The following ZNF555 variants were observed in gnomAD, a reference collection of about 807,000 sequenced individuals.
ZNF555 encodes the protein zinc finger protein 555.
ZNF555 carries 10 observed loss-of-function variants against 14.0 expected under a neutral mutation model. That is an observed-to-expected ratio of 0.72 (90% CI 0.44 to 1.21). The LOEUF (loss-of-function observed/expected upper bound fraction) is 1.21. ZNF555 is among the 50% of genes most tolerant of loss of function. The pLI, the probability that ZNF555 is intolerant of heterozygous loss-of-function variation, is 0.00. For synonymous variants in ZNF555, 277 were observed against 262.4 expected, an observed-to-expected ratio of 1.06 and a Z score of -0.54; for missense variants, 747 against 762.0, an observed-to-expected ratio of 0.98 and a Z score of 0.23.
rs1466585372 is a variant in ZNF555, at chr19:2,853,436, T to C, written c.1371T>C (p.Cys457=). The C allele has an allele frequency of 6.2e-7, 1 of 1,614,186 alleles. No individual in the cohort carries two copies. The highest frequency in any genetic ancestry group is 1.7e-5 in the Admixed American group (1 of 60,018). Residue 457 remains cysteine, a synonymous_variant, in exon 4 of 4, where the codon TGT becomes TGC. Coordinates refer to ENST00000334241, the MANE Select transcript of ZNF555 (RefSeq NM_152791.5). ...TREKPYECKQ[C]GKAFSLSACF... The stretch of plus-strand genomic sequence containing the variant: ...AGAAACCCTATGAATGTAAGCAGTG[T>C]GGGAAAGCCTTCAGCTTGTCTGCTT...
intron 1 of ZNF555, among the ~76,000 whole-genome samples, chr19:2,843,251 C>T (rs1421173789): frequency 6.6e-6 from 1 of 152,156 alleles, no homozygotes; most frequent in African/African-American, 2.4e-5. Flanking sequence ...GCAGCCTCCA[C>T]CTCCTGGGCT....
At position 2,853,730 on chromosome 19, in the gene ZNF555, G is replaced by A; in HGVS notation, c.1665G>A (p.Met555Ile). Residue 555 changes from methionine to isoleucine, a missense_variant, in exon 4 of 4, where the codon ATG (methionine) becomes ATA (isoleucine). By Grantham distance (10) the Met-to-Ile change is conservative (BLOSUM62 1). Coordinates refer to ENST00000334241, the MANE Select transcript of ZNF555 (RefSeq NM_152791.5). The part of the protein sequence containing the change: ...FKWPSSLPIH[M>I]RLHTGEKPYQ... ...GGCCATCATCTTTACCAATACATAT[G>A]AGACTGCACACTGGAGAGAAACCTT... 3 of 1,590,044 alleles carry A rather than the reference G, an allele frequency of 1.9e-6. No homozygotes were observed. Among genetic ancestry groups the A allele is most frequent in the Non-Finnish European group, 2.6e-6 (3 of 1,168,824 alleles).
chr19:2,845,903 G>C (rs2087578549), intron 1 of ZNF555, among the ~76,000 whole-genome samples: 2 of 152,222 alleles, frequency 1.3e-5, no homozygotes, highest in African/African-American at 4.8e-5. Flanking sequence ...ACAAGGCAGT[G>C]CCCTGAGTGC....
At chr19:2,849,139 G>T (rs1026187410) in intron 1 of ZNF555, among the ~76,000 whole-genome samples, 9 of 152,112 alleles carry the variant, frequency 5.9e-5, no homozygotes, top group African/African-American at 2.2e-4. Context: ...GACTGTTCTA[G>T]CATCAGAATT....
chr19:2,845,916 G>A (rs563114656), intron 1 of ZNF555, among the ~76,000 whole-genome samples: 1 of 152,312 alleles, frequency 6.6e-6, no homozygotes, highest in African/African-American at 2.4e-5. Flanking sequence ...CTGAGTGCCA[G>A]GGTAAGTACA....
At position 2,854,921 on chromosome 19, in the gene ZNF555, G is replaced by A. The variant is rs555989661; in HGVS notation, c.*969G>A. The A allele has an allele frequency of 5.9e-5, 9 of 152,188 alleles. No homozygotes were observed. The highest frequency in any genetic ancestry group is 9.6e-5 in the African/African-American group (4 of 41,514). The allele number at this position is 152,188 out of a possible 1,614,324, so 9.4% of individuals were successfully genotyped here. A position where few individuals can be genotyped will look rare whatever the true frequency, so the allele number is the denominator to read the frequency against. The stretch of plus-strand genomic sequence containing the variant: ...CAGTCTCTGAGCTTCTGATTCTCCC[G>A]TTCTGTAGATCTTAACATATTTGCA... On this transcript the variant is annotated 3_prime_UTR_variant, in exon 4 of 4. Transcript: ENST00000334241.
Position 2,851,454 on chromosome 19 carries a change from CT to C in ZNF555, c.131-9del, listed in dbSNP as rs767784970. On this transcript the variant is annotated splice_polypyrimidine_tract_variant and intron_variant, in intron 2 of 3. Coordinates refer to ENST00000334241, the MANE Select transcript of ZNF555 (RefSeq NM_152791.5). ...AGTGCCTTCTTATATGATTTGTTTA[CT>C]TTTTGGTTTCAGATGATGAAACTCA... The C allele has an allele frequency of 1.9e-6, 3 of 1,559,840 alleles. No homozygotes were observed. The highest frequency in any genetic ancestry group is 2.3e-5 in the East Asian group (1 of 43,736).
Position 2,854,436 on chromosome 19 carries a change from C to T in ZNF555, c.*484C>T, listed in dbSNP as rs1023722879. 3 of 162,212 alleles carry T rather than the reference C, an allele frequency of 1.8e-5. No homozygotes were observed. Among genetic ancestry groups the T allele is most frequent in the African/African-American group, 7.2e-5 (3 of 41,464 alleles). The allele number at this position is 162,212 out of a possible 1,614,324, so 10.0% of individuals were successfully genotyped here. On this transcript the variant is annotated 3_prime_UTR_variant, in exon 4 of 4. Transcript: ENST00000334241. The stretch of plus-strand genomic sequence containing the variant: ...TTGTGAATTGGACAGTAGGCTTTGA[C>T]TTGTGATGTGACGGAGAAATCCAGA...
intron 1 of ZNF555, among the ~76,000 whole-genome samples, chr19:2,844,526 A>C (rs1199877849): frequency 2.6e-5 from 4 of 152,246 alleles, no homozygotes; most frequent in African/African-American, 9.6e-5. Flanking sequence ...GGTGTGAACC[A>C]CCATGCCCCC....
intron 1 of ZNF555, among the ~76,000 whole-genome samples, chr19:2,845,319 A>G (rs776950142): frequency 3.9e-5 from 6 of 152,188 alleles, no homozygotes; most frequent in Non-Finnish European, 8.8e-5. Context: ...ATGGCTGTGT[A>G]GTATTCCATG....
rs1215357336 is a variant in ZNF555 at position 2,860,024 on chromosome 19, A to C, written c.*6072A>C. The C allele has an allele frequency of 2.0e-5, 3 of 151,352 alleles. No individual in the cohort carries two copies. The highest frequency in any genetic ancestry group is 4.8e-5 in the African/African-American group (2 of 41,244). 9.4% of individuals were successfully genotyped at this position (151,352 alleles called of 1,614,324 possible). A position where few individuals can be genotyped will look rare whatever the true frequency, so the allele number is the denominator to read the frequency against. Reference sequence around the variant, plus strand: ...GCCCAAAACAAAGCAAACAAACAAAAAAAAGGAATGCAAGTCAAGTACACT... The same window carrying C: ...GCCCAAAACAAAGCAAACAAACAAACAAAAGGAATGCAAGTCAAGTACACT... On this transcript the variant is annotated 3_prime_UTR_variant, in exon 4 of 4. Coordinates refer to ENST00000334241, the MANE Select transcript of ZNF555 (RefSeq NM_152791.5).
rs1260167463 is a variant in ZNF555, at chr19:2,859,210, A to G, written c.*5258A>G. 2 of 152,276 alleles carry G rather than the reference A, an allele frequency of 1.3e-5. No individual in the cohort carries two copies. The allele number at this position is 152,276 out of a possible 1,614,324, so 9.4% of individuals were successfully genotyped here. ...ATCTGGGAGTTTCCGCCTTCCATGA[A>G]GTGCGCAGGCGCACTTAGGCGAGGC... On this transcript the variant is annotated 3_prime_UTR_variant, in exon 4 of 4. Coordinates refer to ENST00000334241, the MANE Select transcript of ZNF555 (RefSeq NM_152791.5).
rs751454163 is a variant in ZNF555 at position 2,852,715 on chromosome 19, G to A, written c.650G>A (p.Arg217Gln). 10 of 1,614,078 alleles carry A rather than the reference G, an allele frequency of 6.2e-6. No homozygotes were observed. Among genetic ancestry groups the A allele is most frequent in the South Asian group, 3.3e-5 (3 of 91,076 alleles). The change falls in exon 4 of 4, where the codon CGG becomes CAG. Residue 217 changes from arginine (R) to glutamine (Q), a missense_variant. Physicochemically the swap from Arg to Gln is conservative, Grantham distance 43. Coordinates refer to ENST00000334241, the MANE Select transcript of ZNF555 (RefSeq NM_152791.5). Reference sequence around the variant, plus strand: ...TTTCCTCGTACTTCCTCCCTCAATCGGCATGTAAGGATTCACACTGCTGAG... The same window carrying A: ...TTTCCTCGTACTTCCTCCCTCAATCAGCATGTAAGGATTCACACTGCTGAG... ...KTFPRTSSLN[R>Q]HVRIHTAEKT... is the part of the protein sequence containing the mutation.
chr19:2,846,423 C>G (rs753449533), intron 1 of ZNF555, among the ~76,000 whole-genome samples: 6 of 152,230 alleles, frequency 3.9e-5, no homozygotes, highest in Non-Finnish European at 5.9e-5. Context: ...CTGTGGGCAA[C>G]TGAGTGAGCC....
rs1362494167 is a variant in ZNF555, at chr19:2,841,495, G to C, written c.-78G>C. ...CCTCTGTCCTAGCCGTGAGTGCCCCGCCTGCCCCTAGCGGTCCCTGGCGTC... is the reference window on the plus strand; with the variant it reads ...CCTCTGTCCTAGCCGTGAGTGCCCCCCCTGCCCCTAGCGGTCCCTGGCGTC... On this transcript the variant is annotated 5_prime_UTR_variant, in exon 1 of 4. Coordinates refer to ENST00000334241, the MANE Select transcript of ZNF555 (RefSeq NM_152791.5). 2 of 1,542,588 alleles carry C rather than the reference G, an allele frequency of 1.3e-6. No individual in the cohort carries two copies. Among genetic ancestry groups the C allele is most frequent in the Non-Finnish European group, 1.8e-6 (2 of 1,142,764 alleles).
At chr19:2,844,421 C>A (rs1419016904) in intron 1 of ZNF555, among the ~76,000 whole-genome samples, 1 of 151,480 alleles carries the variant, frequency 6.6e-6, no homozygotes, top group African/African-American at 2.4e-5. Flanking sequence ...GTATTTCTAG[C>A]AGATACAGGG....
At position 2,852,481 on chromosome 19, in the gene ZNF555, G is replaced by A. The variant is rs1241805483; in HGVS notation, c.416G>A (p.Gly139Glu). 1.1e-5 allele frequency: 17 copies of A among 1,613,984 alleles called. No individual in the cohort carries two copies. Among genetic ancestry groups the A allele is most frequent in the Non-Finnish European group, 1.4e-5 (17 of 1,180,036 alleles). Reference protein sequence around the residue: ...HLNLYKKIPPGVKQYEYNTYG... With the variant: ...HLNLYKKIPPEVKQYEYNTYG... ...AATCTGTACAAGAAAATTCCACCTG[G>A]AGTAAAACAGTATGAATACAACACG... The change falls in exon 4 of 4, where the codon GGA (glycine) becomes GAA (glutamate). Residue 139 changes from glycine (G) to glutamate (E), a missense_variant. By Grantham distance (98) the Gly-to-Glu change is moderately conservative. Transcript: ENST00000334241.
Position 2,853,389 on chromosome 19 carries a change from C to T in ZNF555, c.1324C>T (p.His442Tyr). 1 of 1,614,060 alleles carries T rather than the reference C, an allele frequency of 6.2e-7. No individual in the cohort carries two copies. The highest frequency in any genetic ancestry group is 1.1e-5 in the South Asian group (1 of 91,070). Residue 442 changes from histidine (H) to tyrosine (Y), a missense_variant, in exon 4 of 4, where the codon CAT becomes TAT. Transcript: ENST00000334241. Reference sequence around the variant, plus strand: ...CAATTGGCCCATATCTTTACGAAAACATATGAGAACACATACTAGAGAGAA... The same window carrying T: ...CAATTGGCCCATATCTTTACGAAAATATATGAGAACACATACTAGAGAGAA... ...TFNWPISLRK[H>Y]MRTHTREKPY...
Position 2,852,963 on chromosome 19 carries a change from C to A in ZNF555, c.898C>A (p.Arg300=). 1 of 1,614,152 alleles carries A rather than the reference C, an allele frequency of 6.2e-7. No individual in the cohort carries two copies. The highest frequency in any genetic ancestry group is 8.5e-7 in the Non-Finnish European group (1 of 1,180,038). Residue 300 remains arginine, a synonymous_variant, in exon 4 of 4, where the codon CGA becomes AGA. Transcript: ENST00000334241. ...AGCCTTTAGTTATTCCTCAACTTTTCGAAGACATATGATTTCACACACTGG... is the reference window on the plus strand; with the variant it reads ...AGCCTTTAGTTATTCCTCAACTTTTAGAAGACATATGATTTCACACACTGG... The part of the protein sequence containing the change: ...AEAFSYSSTF[R]RHMISHTGEK...
Sources: gnomAD v4.1 joint callset for allele counts (sites outside exome capture counted in the v4.1 genomes callset) on GRCh38, gnomAD v4.1.1 for gene constraint, MANE v1.5 for transcripts, NCBI Gene and HGNC (gene_info 2026-07-23, HGNC 2026-07-21) for gene names.